The following NISCH variants were observed in gnomAD, a reference collection of about 807,000 sequenced individuals.
NISCH encodes the protein I-1 receptor candidate protein.
NISCH carries 55 observed loss-of-function variants against 138.4 expected under a neutral mutation model. The ratio of observed to expected loss-of-function variants is 0.40; its 90% CI spans 0.32 to 0.50. NISCH has a LOEUF of 0.50. Among genes scored for constraint, NISCH ranks in the 20% least tolerant of loss-of-function variants. The pLI is 0.71. For synonymous variants in NISCH, 860 were observed against 861.5 expected, an observed-to-expected ratio of 1.00 and a Z score of 0.03; for missense variants, 1,643 against 2,005.5, an observed-to-expected ratio of 0.82 and a Z score of 3.45.
chr3:52,483,631 G>A lies in NISCH; in HGVS notation c.1529-882G>A, dbSNP rs541488435. 9.2e-5 allele frequency among the ~76,000 whole-genome samples: 14 copies of A among 152,352 alleles called. No homozygotes were observed. The South Asian group carries it at 2.9e-3, about 32-fold the overall frequency. ...CAGGGCAGGTCAGTGGGCACGTCCT[G>A]TGGTAAGTGGGACTGTGGATGTGGG... On this transcript the variant is annotated intron_variant, in intron 13 of 20. Transcript: ENST00000345716.
At position 52,472,470 on chromosome 3, in the gene NISCH, G is replaced by GT; in HGVS notation, c.669+73dup. On this transcript the variant is annotated intron_variant, in intron 6 of 20. Transcript: ENST00000345716. ...CTAGAGAGTGTTTGTGATGTTGGGT[G>GT]TCCTAATTTAATCATAAGGTGCTGT... is the stretch of plus-strand genomic sequence containing the variant. 2.2e-6 allele frequency: 3 copies of GT among 1,382,120 alleles called. No homozygotes were observed. In the South Asian group the frequency reaches 3.5e-5, roughly 16 times the overall value. The allele number at this position is 1,382,120 out of a possible 1,614,324, so 85.6% of individuals were successfully genotyped here.
rs751433317 is a variant in NISCH, at chr3:52,487,884, G to A, written c.2392G>A (p.Ala798Thr). The change falls in exon 16 of 21, where the codon GCC becomes ACC. Residue 798 changes from alanine to threonine, a missense_variant. Physicochemically the swap from Ala to Thr is moderately conservative, Grantham distance 58. Coordinates refer to ENST00000345716, the MANE Select transcript of NISCH (RefSeq NM_007184.4). The surrounding 1 kb of genome is among the most constrained non-coding windows in gnomAD (Gnocchi z 9.1). ...CACGCTCTTCATTATCTCGGACGCC[G>A]CCAACCTGCACGAGTTCCACGCGGA... is the stretch of plus-strand genomic sequence containing the variant. ...ENTLFIISDA[A>T]NLHEFHADLR... is the part of the protein sequence containing the mutation. The A allele has an allele frequency of 5.6e-6, 9 of 1,611,974 alleles. No homozygotes were observed. The highest frequency in any genetic ancestry group is 1.3e-5 in the African/African-American group (1 of 74,834).
chr3:52,470,921 T>C lies in NISCH; in HGVS notation c.409+14T>C. 2 of 1,613,670 alleles carry C rather than the reference T, an allele frequency of 1.2e-6. No homozygotes were observed. Among genetic ancestry groups the C allele is most frequent in the Non-Finnish European group, 1.7e-6 (2 of 1,179,602 alleles). On this transcript the variant is annotated intron_variant, in intron 4 of 20. Coordinates refer to ENST00000345716, the MANE Select transcript of NISCH (RefSeq NM_007184.4). ...TCTTTGAGAAAGGTATGTGGCCACA[T>C]GTCCCTGAAATACTGAGCATAAGTT...
At chr3:52,475,321 A>G (rs1372644835) in intron 7 of NISCH, among the ~76,000 whole-genome samples, 1 of 152,186 alleles carries the variant, frequency 6.6e-6, no homozygotes, top group South Asian at 2.1e-4. Flanking sequence ...AGGGCGACCC[A>G]TTGTGAGAAG....
chr3:52,490,984 G>A (rs952816555), intron 19 of NISCH, 151 bp downstream of exon 19: 2 of 1,133,980 alleles, frequency 1.8e-6, no homozygotes, highest in African/African-American at 3.1e-5. Flanking sequence ...GCAGCTTCAG[G>A]AACTGCTGAG....
At chr3:52,471,205 T>G (rs1462641450) in intron 4 of NISCH, 4 of 496,202 alleles carry the variant, frequency 8.1e-6, no homozygotes, top group Non-Finnish European at 1.1e-5. Context: ...AAGCTGACCC[T>G]GGGTCCCATC....
Position 52,458,676 on chromosome 3 carries a change from A to C in NISCH, c.192A>C (p.Arg64Ser). The C allele has an allele frequency of 6.2e-7, 1 of 1,612,810 alleles. No individual in the cohort carries two copies. The highest frequency in any genetic ancestry group is 8.5e-7 in the Non-Finnish European group (1 of 1,179,724). ...TTTTTTTACAGCTCGTTGCAGAGAGAAAGATTGATAAAAATCTGCTTCCGC... is the reference window on the plus strand; with the variant it reads ...TTTTTTTACAGCTCGTTGCAGAGAGCAAGATTGATAAAAATCTGCTTCCGC... Reference protein sequence around the residue: ...HDLHEKLVAERKIDKNLLPPK... With the variant: ...HDLHEKLVAESKIDKNLLPPK... Residue 64 changes from arginine (R) to serine (S), a missense_variant, in exon 3 of 21, where the codon AGA becomes AGC. Physicochemically the swap from Arg to Ser is moderately radical, Grantham distance 110. Coordinates refer to ENST00000345716, the MANE Select transcript of NISCH (RefSeq NM_007184.4).
At chr3:52,456,282 G>C (rs1370018675) in intron 1 of NISCH, among the ~76,000 whole-genome samples, 1 of 152,034 alleles carries the variant, frequency 6.6e-6, no homozygotes, top group Non-Finnish European at 1.5e-5. Flanking sequence ...CTTGGGGGTC[G>C]GGCGGAGACA....
intron 13 of NISCH, 88 bp from the exon 14 acceptor site, chr3:52,484,425 C>A: frequency 7.4e-7 from 1 of 1,355,702 alleles, no homozygotes; most frequent in Non-Finnish European, 1.0e-6. Flanking sequence ...ATGCCAGTAG[C>A]CTGAGGGGCC....
At chr3:52,480,348 C>A in intron 13 of NISCH, 53 bp downstream of exon 13, 1 of 1,606,884 alleles carries the variant, frequency 6.2e-7, no homozygotes, top group Non-Finnish European at 8.5e-7. Context: ...CTGCCTGGGC[C>A]CCCTGGCTGG....
intron 4 of NISCH, chr3:52,471,569 C>T (rs1322776332): frequency 3.5e-6 from 2 of 573,938 alleles, no homozygotes; most frequent in Non-Finnish European, 3.1e-6. Flanking sequence ...CTCACTCCTC[C>T]CTCAGTGGCT....
chr3:52,486,143 T>C (rs1399269831), intron 15 of NISCH, among the ~76,000 whole-genome samples: 1 of 152,252 alleles, frequency 6.6e-6, no homozygotes, highest in African/African-American at 2.4e-5. Context: ...TGAGTCTCGC[T>C]CTGTCGCCCA....
At chr3:52,472,073 G>C (rs1706966176) in intron 5 of NISCH, 96 bp downstream of exon 5, 1 of 1,348,964 alleles carries the variant, frequency 7.4e-7, no homozygotes, top group Non-Finnish European at 1.0e-6. Context: ...GGAGACCATG[G>C]GGGACTGTTG....
At position 52,483,466 on chromosome 3, in the gene NISCH, A is replaced by G. The variant is rs549516962; in HGVS notation, c.1529-1047A>G. On this transcript the variant is annotated intron_variant, in intron 13 of 20. Transcript: ENST00000345716. ...ACATGTTCACAAAGGCTTTACCTTC[A>G]AGTGGTCTAGAGGTGATCTGAGGTG... Among the ~76,000 whole-genome samples the G allele has an allele frequency of 2.0e-5, 3 of 152,326 alleles. No individual in the cohort carries two copies. The South Asian group carries it at 6.2e-4, about 32-fold the overall frequency.
Position 52,488,114 on chromosome 3 carries a change from C to G in NISCH, c.2622C>G (p.Asp874Glu), listed in dbSNP as rs773898558. ...DKRMVQTAAG[D>E]YSGNIEWASC... is the part of the protein sequence containing the mutation. ...GCATGGTGCAGACGGCCGCCGGGGA[C>G]TACTCAGGCAACATCGAGTGGGCCA... is the stretch of plus-strand genomic sequence containing the variant. The change falls in exon 16 of 21, where the codon GAC (aspartate) becomes GAG (glutamate). Residue 874 changes from aspartate (D) to glutamate (E), a missense_variant. Coordinates refer to ENST00000345716, the MANE Select transcript of NISCH (RefSeq NM_007184.4). The G allele has an allele frequency of 1.9e-6, 3 of 1,612,968 alleles. No homozygotes were observed. In the Admixed American group the frequency reaches 5.0e-5, roughly 27 times the overall value.
chr3:52,462,699 G>A (rs1706669594), intron 3 of NISCH, among the ~76,000 whole-genome samples: 1 of 151,860 alleles, frequency 6.6e-6, no homozygotes, highest in Admixed American at 6.6e-5. Context: ...GCAGTGGTAC[G>A]ATCTCGGCTC....
At chr3:52,468,819 A>C (rs1706858967) in intron 3 of NISCH, among the ~76,000 whole-genome samples, 1 of 152,162 alleles carries the variant, frequency 6.6e-6, no homozygotes, top group Non-Finnish European at 1.5e-5. Flanking sequence ...ATGAATAAAC[A>C]CATTTTTTAA....
chr3:52,489,609 G>T lies in NISCH; in HGVS notation c.3387G>T (p.Pro1129=). Reference sequence around the variant, plus strand: ...TCCCCTCGCACTTGCCTGCCTGCCCGTCGCTCCGGCACGTCGCCAGCCTGC... The same window carrying T: ...TCCCCTCGCACTTGCCTGCCTGCCCTTCGCTCCGGCACGTCGCCAGCCTGC... ...NQIPSHLPAC[P]SLRHVASLRG... The change falls in exon 17 of 21, where the codon CCG becomes CCT. Residue 1129 remains proline, a synonymous_variant. Transcript: ENST00000345716. The T allele has an allele frequency of 1.2e-6, 2 of 1,613,096 alleles. No individual in the cohort carries two copies. Among genetic ancestry groups the T allele is most frequent in the Non-Finnish European group, 1.7e-6 (2 of 1,179,970 alleles).
chr3:52,465,285 G>A (rs1343447765), intron 3 of NISCH, among the ~76,000 whole-genome samples: 5 of 151,868 alleles, frequency 3.3e-5, no homozygotes, highest in Non-Finnish European at 7.4e-5. Context: ...ATATGCCACC[G>A]TACTTGGCTA....
Sources: allele counts gnomAD v4.1 joint callset (sites outside exome capture counted in the v4.1 genomes callset), GRCh38; gene constraint gnomAD v4.1.1; non-coding constraint Gnocchi (gnomAD v3.1); transcripts MANE v1.5; gene names NCBI Gene and HGNC (gene_info 2026-07-23, HGNC 2026-07-21).